The following EYS variants were observed in gnomAD, a reference collection of about 807,000 sequenced individuals.
The protein encoded by EYS is protein eyes shut homolog.
A neutral mutation model predicts 282.1 loss-of-function variants in EYS; 250 were observed. The observed-to-expected ratio is 0.89, with a 90% confidence interval of 0.80 to 0.98. The LOEUF is 0.98. EYS is among the 50% of genes least tolerant of loss of function. The pLI is 0.00. For synonymous variants in EYS, 1,355 were observed against 1,282.9 expected, an observed-to-expected ratio of 1.06 and a Z score of -1.20; for missense variants, 4,016 against 3,709.0, an observed-to-expected ratio of 1.08 and a Z score of -2.15.
chr6:64,531,419 G>A (rs1172180333), intron 26 of EYS, among the ~76,000 whole-genome samples: 1 of 147,068 alleles, frequency 6.8e-6, no homozygotes, highest in East Asian at 2.0e-4. Context: ...ATGGAGTCTC[G>A]CTCTGTTGCC....
At chr6:64,214,558 A>C (rs1231567124) in intron 31 of EYS, among the ~76,000 whole-genome samples, 1 of 152,096 alleles carries the variant, frequency 6.6e-6, no homozygotes, top group Non-Finnish European at 1.5e-5. Flanking sequence ...TGCACATTCC[A>C]CAGGATATAC....
At chr6:63,755,562 G>A in intron 41 of EYS, among the ~76,000 whole-genome samples, 1 of 152,184 alleles carries the variant, frequency 6.6e-6, no homozygotes, top group Non-Finnish European at 1.5e-5. Flanking sequence ...GTCAGGTAGT[G>A]TGATGCCTCC....
intron 28 of EYS, among the ~76,000 whole-genome samples, chr6:64,394,763 A>T (rs985216467): frequency 1.3e-5 from 2 of 152,120 alleles, no homozygotes; most frequent in Non-Finnish European, 2.9e-5. Context: ...ATGGCAACAA[A>T]AGACAAAATT....
intron 5 of EYS, among the ~76,000 whole-genome samples, chr6:65,451,466 A>C (rs9351496): frequency 0.18 from 28,113 of 151,996 alleles, 3,243 homozygotes; most frequent in Middle Eastern, 0.3. Flanking sequence ...TCTTCTTTCA[A>C]TGTAAATGCT....
At chr6:63,928,949 G>A (rs1334529451) in intron 35 of EYS, among the ~76,000 whole-genome samples, 2 of 152,188 alleles carry the variant, frequency 1.3e-5, no homozygotes, top group Admixed American at 6.5e-5. Flanking sequence ...TCCAGTCAGA[G>A]AAGCAGGAGG....
chr6:63,742,560 AT>A (rs1169806200), intron 41 of EYS, among the ~76,000 whole-genome samples: 2 of 152,174 alleles, frequency 1.3e-5, no homozygotes, highest in Non-Finnish European at 2.9e-5. Flanking sequence ...TTTCTCACTC[AT>A]TTTTTGAGTA....
chr6:65,409,524 A>G (rs952793995), intron 5 of EYS, among the ~76,000 whole-genome samples: 4 of 152,180 alleles, frequency 2.6e-5, no homozygotes, highest in Non-Finnish European at 5.9e-5. Flanking sequence ...ACCTTGAGTA[A>G]GGCTTTGGAC....
At chr6:65,243,799 C>A (rs1767112778) in intron 12 of EYS, among the ~76,000 whole-genome samples, 1 of 152,092 alleles carries the variant, frequency 6.6e-6, no homozygotes, top group Non-Finnish European at 1.5e-5. Flanking sequence ...ATCCTAGCTA[C>A]TCTGTAGGCT....
intron 5 of EYS, among the ~76,000 whole-genome samples, chr6:65,408,594 T>C (rs918817721): frequency 1.1e-4 from 17 of 152,158 alleles, no homozygotes; most frequent in African/African-American, 4.1e-4. Flanking sequence ...CTTATTTTAT[T>C]TACTTGTGTC....
At chr6:64,976,409 A>G (rs925547547) in intron 14 of EYS, among the ~76,000 whole-genome samples, 23 of 151,900 alleles carry the variant, frequency 1.5e-4, no homozygotes, top group Admixed American at 6.6e-5. Flanking sequence ...TATAAACAAC[A>G]GAAATTTACT....
At chr6:65,459,785 T>C (rs1260386064) in intron 5 of EYS, among the ~76,000 whole-genome samples, 3 of 150,874 alleles carry the variant, frequency 2.0e-5, no homozygotes, top group Non-Finnish European at 4.4e-5. Flanking sequence ...TAAAACCAAC[T>C]GAAATATTTG....
At chr6:64,233,284 A>G (rs1379182432) in intron 30 of EYS, among the ~76,000 whole-genome samples, 7 of 152,226 alleles carry the variant, frequency 4.6e-5, no homozygotes, top group Non-Finnish European at 4.4e-5. Flanking sequence ...TATAAAGATC[A>G]AATTTCATAT....
chr6:64,676,069 TATAG>T lies in EYS; in HGVS notation c.3444-49828_3444-49825del, dbSNP rs201421857. ...ATCTATATATATGGATAGATCTATA[TATAG>T]ATAGATAGAGAGAGAGAGGGAGAGA... On this transcript the variant is annotated intron_variant, in intron 22 of 42. Transcript: ENST00000503581. Among the ~76,000 whole-genome samples the T allele has an allele frequency of 9.6e-4, 142 of 148,582 alleles. 1 individual carries two copies. Among genetic ancestry groups the T allele is most frequent in the Admixed American group, 4.9e-3 (73 of 14,860 alleles).
At chr6:65,529,052 C>T (rs1315093020) in intron 2 of EYS, among the ~76,000 whole-genome samples, 1 of 151,810 alleles carries the variant, frequency 6.6e-6, no homozygotes, top group Non-Finnish European at 1.5e-5. Flanking sequence ...GTTTTAAGTT[C>T]TCTAGAAGAT....
chr6:63,911,873 A>G (rs796731941), intron 35 of EYS, among the ~76,000 whole-genome samples: 11 of 152,354 alleles, frequency 7.2e-5, no homozygotes, highest in African/African-American at 2.6e-4. Flanking sequence ...ACAAGTATTT[A>G]TTGAACATCT....
chr6:64,250,665 T>G (rs1209491767), intron 30 of EYS, among the ~76,000 whole-genome samples: 1 of 152,164 alleles, frequency 6.6e-6, no homozygotes. Context: ...AATCACAAAT[T>G]TACCGATAAA....
chr6:64,555,356 G>A (rs1161821160), intron 26 of EYS, among the ~76,000 whole-genome samples: 1 of 151,758 alleles, frequency 6.6e-6, no homozygotes, highest in Admixed American at 6.6e-5. Flanking sequence ...ATTAATGGGG[G>A]GGTAGAGAAG....
chr6:64,962,654 T>C (rs1464571979), intron 14 of EYS, among the ~76,000 whole-genome samples: 3 of 151,944 alleles, frequency 2.0e-5, no homozygotes, highest in Non-Finnish European at 4.4e-5. Context: ...GGGCTGAGGC[T>C]TGAGGGACGC....
chr6:64,706,018 C>A (rs1367684518), intron 22 of EYS, among the ~76,000 whole-genome samples: 5 of 146,656 alleles, frequency 3.4e-5, no homozygotes, highest in African/African-American at 1.0e-4. Flanking sequence ...AAAAATTATT[C>A]AAAAAAAAAA....
Sources: allele counts gnomAD v4.1 joint callset (sites outside exome capture counted in the v4.1 genomes callset), GRCh38; gene constraint gnomAD v4.1.1; transcripts MANE v1.5; gene names NCBI Gene and HGNC (gene_info 2026-07-23, HGNC 2026-07-21).